The following NT5DC1 variants were observed in gnomAD, a reference collection of about 807,000 sequenced individuals.
NT5DC1 encodes 5'-nucleotidase domain-containing protein 1.
NT5DC1 carries 42 observed loss-of-function variants against 59.4 expected under a neutral mutation model. That is an observed-to-expected ratio of 0.71 (90% CI 0.55 to 0.92). The LOEUF is 0.92. Ranked by LOEUF, NT5DC1 falls within the 40% of genes least tolerant of loss-of-function variation. The pLI is 0.00. For synonymous variants in NT5DC1, 172 were observed against 188.1 expected (o/e 0.91, Z 0.70); for missense variants, 501 against 537.1 (o/e 0.93, Z 0.66).
chr6:116,117,786 A>T (rs185056150), intron 5 of NT5DC1, 75 bp from the exon 6 acceptor site: 2 of 803,242 alleles, frequency 2.5e-6, no homozygotes, highest in East Asian at 5.0e-5. Context: ...CTGCATTGTA[A>T]TTGTTTGCCA....
chr6:116,157,984 C>T (rs1292636792), intron 6 of NT5DC1, among the ~76,000 whole-genome samples: 1 of 152,202 alleles, frequency 6.6e-6, no homozygotes, highest in Non-Finnish European at 1.5e-5. Flanking sequence ...TCTTTCAGTA[C>T]TTCCCTTTCC....
At chr6:116,222,567 C>G (rs895049803) in intron 7 of NT5DC1, among the ~76,000 whole-genome samples, 5 of 152,208 alleles carry the variant, frequency 3.3e-5, no homozygotes, top group African/African-American at 1.2e-4. Context: ...AATAAAGTGT[C>G]TTCTTCACAT....
At chr6:116,201,359 T>A (rs1414515522) in intron 6 of NT5DC1, among the ~76,000 whole-genome samples, 1 of 152,050 alleles carries the variant, frequency 6.6e-6, no homozygotes, top group South Asian at 2.1e-4. Context: ...CATATTGCAC[T>A]GTATAAAGGT....
In NT5DC1 at chr6:116,100,914, G is replaced by A. The variant is rs1276455044; in HGVS notation, c.-17G>A. 1.9e-6 allele frequency: 3 copies of A among 1,589,468 alleles called. No individual in the cohort carries two copies. Among genetic ancestry groups the A allele is most frequent in the Non-Finnish European group, 2.6e-6 (3 of 1,169,750 alleles). Reference sequence around the variant, plus strand: ...CCCTTCGCGGCCGAGGCGCTCCCTGGTGCTCCCCGCGCAGCCATGGCTCAG... The same window carrying A: ...CCCTTCGCGGCCGAGGCGCTCCCTGATGCTCCCCGCGCAGCCATGGCTCAG... On this transcript the variant is annotated 5_prime_UTR_variant, in exon 1 of 12. It adds an upstream start codon to the 5' untranslated region. Coordinates refer to ENST00000319550, the MANE Select transcript of NT5DC1 (RefSeq NM_152729.3).
intron 6 of NT5DC1, among the ~76,000 whole-genome samples, chr6:116,180,745 T>C (rs1780856068): frequency 6.6e-6 from 1 of 151,910 alleles, no homozygotes; most frequent in Non-Finnish European, 1.5e-5. Flanking sequence ...ATGAGGAAAG[T>C]GCTATGGGGG....
chr6:116,164,744 T>C (rs1176734504), intron 6 of NT5DC1, among the ~76,000 whole-genome samples: 2 of 152,176 alleles, frequency 1.3e-5, no homozygotes, highest in Non-Finnish European at 2.9e-5. Context: ...TTTGGTGTAC[T>C]GGTCTAGTGG....
chr6:116,144,084 A>G (rs1779832527), intron 6 of NT5DC1, among the ~76,000 whole-genome samples: 5 of 152,190 alleles, frequency 3.3e-5, no homozygotes, highest in African/African-American at 1.2e-4. Flanking sequence ...GGATATTCAG[A>G]GTTCATGTAT....
At chr6:116,220,964 A>C in intron 6 of NT5DC1, 90 bp from the exon 7 acceptor site, 1 of 661,500 alleles carries the variant, frequency 1.5e-6, no homozygotes. Flanking sequence ...AGTTTTATCT[A>C]TAGATTTGAA....
rs1185532635 is a variant in NT5DC1, at chr6:116,244,425, G to A, written c.*401G>A. Reference sequence around the variant, plus strand: ...CCACGCAAAACCTGCTGAATCAGAAGCTCTGAGAGTAAGGCCTACCAATCT... The same window carrying A: ...CCACGCAAAACCTGCTGAATCAGAAACTCTGAGAGTAAGGCCTACCAATCT... On this transcript the variant is annotated 3_prime_UTR_variant, in exon 12 of 12. Coordinates refer to ENST00000319550, the MANE Select transcript of NT5DC1 (RefSeq NM_152729.3). 6.5e-6 allele frequency: 1 copy of A among 153,440 alleles called. No individual in the cohort carries two copies. Among genetic ancestry groups the A allele is most frequent in the African/African-American group, 2.4e-5 (1 of 41,458 alleles). 9.5% of individuals were successfully genotyped at this position (153,440 alleles called of 1,614,324 possible).
chr6:116,156,517 G>T (rs925590740), intron 6 of NT5DC1, among the ~76,000 whole-genome samples: 36 of 152,158 alleles, frequency 2.4e-4, no homozygotes, highest in Admixed American at 2.4e-3. Context: ...TCTTAAGGAA[G>T]ACATGGGCAA....
intron 11 of NT5DC1, 68 bp from the exon 12 acceptor site, chr6:116,243,841 A>T: frequency 1.6e-6 from 1 of 625,058 alleles, no homozygotes; most frequent in East Asian, 2.8e-5. Context: ...GTGAATATCA[A>T]GTTTTGATTT....
At chr6:116,137,194 C>T (rs962472392) in intron 6 of NT5DC1, 3 of 176,882 alleles carry the variant, frequency 1.7e-5, no homozygotes, top group East Asian at 3.0e-4. Context: ...ATGTCTGCCA[C>T]CACCACTTCC....
chr6:116,121,648 T>C, intron 6 of NT5DC1: 1 of 1,613,970 alleles, frequency 6.2e-7, no homozygotes, highest in Non-Finnish European at 8.5e-7. Flanking sequence ...GTCCAGGTTT[T>C]CCTGGCACAG....
intron 6 of NT5DC1, among the ~76,000 whole-genome samples, chr6:116,118,699 A>AT (rs1231890151): frequency 4.6e-5 from 7 of 152,240 alleles, no homozygotes; most frequent in Non-Finnish European, 8.8e-5. Flanking sequence ...TTCAAACTGC[A>AT]TATTTCTCTG....
chr6:116,121,402 A>T, intron 6 of NT5DC1: 1 of 1,613,374 alleles, frequency 6.2e-7, no homozygotes, highest in Non-Finnish European at 8.5e-7. Flanking sequence ...CTCCCGGAAA[A>T]CCTCTATCAC....
intron 6 of NT5DC1, chr6:116,120,110 T>C (rs1779063821): frequency 1.9e-6 from 3 of 1,613,938 alleles, no homozygotes; most frequent in Non-Finnish European, 2.5e-6. Flanking sequence ...GAAAGAGGAG[T>C]GGACATACTC....
At chr6:116,125,618 C>T (rs1779279259) in intron 6 of NT5DC1, 1 of 908,744 alleles carries the variant, frequency 1.1e-6, no homozygotes, top group South Asian at 1.6e-5. Context: ...TTAACCTATC[C>T]TATATATTTT....
chr6:116,118,745 A>G (rs536212379), intron 6 of NT5DC1, among the ~76,000 whole-genome samples: 1 of 152,292 alleles, frequency 6.6e-6, no homozygotes, highest in South Asian at 2.1e-4. Flanking sequence ...GAAAATTACA[A>G]CTTTGGGGTG....
chr6:116,237,907 A>G (rs1782151640), intron 9 of NT5DC1, among the ~76,000 whole-genome samples: 1 of 152,220 alleles, frequency 6.6e-6, no homozygotes, highest in Non-Finnish European at 1.5e-5. Context: ...ATATAGGTTC[A>G]CTTCTTTAGG....
Sources: gnomAD v4.1 joint callset for allele counts (sites outside exome capture counted in the v4.1 genomes callset) on GRCh38, gnomAD v4.1.1 for gene constraint, MANE v1.5 for transcripts, NCBI Gene and HGNC (gene_info 2026-07-23, HGNC 2026-07-21) for gene names.